DPP6: variants seen among roughly 807,000 people sequenced by gnomAD.
DPP6 encodes the protein A-type potassium channel modulatory protein DPP6.
In DPP6, 69 loss-of-function variants were observed where a neutral mutation model predicts 122.6. The observed-to-expected ratio is 0.56, with a 90% CI of 0.46 to 0.69. The LOEUF (loss-of-function observed/expected upper bound fraction) is 0.69. Ranked by LOEUF, DPP6 falls within the 30% of genes least tolerant of loss-of-function variation. DPP6 has a pLI of 0.00. For synonymous variants in DPP6, 418 were observed against 433.1 expected (o/e 0.97, Z 0.43); for missense variants, 928 against 1,116.9 (o/e 0.83, Z 2.41).
intron 14 of DPP6, 53 bp from the exon 15 acceptor site, chr7:154,804,864 T>C: frequency 1.3e-6 from 2 of 1,568,332 alleles, no homozygotes; most frequent in South Asian, 1.2e-5. Flanking sequence ...GAATGTGAAG[T>C]GCAGACGTGC....
At chr7:154,667,928 C>T (rs1196241937) in intron 6 of DPP6, among the ~76,000 whole-genome samples, 1 of 151,842 alleles carries the variant, frequency 6.6e-6, no homozygotes, top group Non-Finnish European at 1.5e-5. Context: ...TCTAAAACTA[C>T]CTGGGGCATT....
At chr7:154,774,401 A>G (rs184687052) in intron 10 of DPP6, among the ~76,000 whole-genome samples, 4 of 152,330 alleles carry the variant, frequency 2.6e-5, no homozygotes, top group Non-Finnish European at 4.4e-5. Context: ...AACTCACTGA[A>G]TTAATATGGA....
chr7:154,353,534 A>C lies in DPP6; in HGVS notation c.244-92680A>C, dbSNP rs555444775. Among the ~76,000 whole-genome samples, 7 of 152,278 alleles carry C rather than the reference A, an allele frequency of 4.6e-5. No individual in the cohort carries two copies. In the South Asian group the frequency reaches 1.5e-3, roughly 32 times the overall value. On this transcript the variant is annotated intron_variant, in intron 1 of 25. Transcript: ENST00000377770. ...TGAGTGATGGAAGGAGGCATTTTAA[A>C]TCTTTCCATGTGTGTCTCTTCTGGC...
intron 1 of DPP6, among the ~76,000 whole-genome samples, chr7:154,306,894 T>C (rs930356387): frequency 6.6e-6 from 1 of 152,202 alleles, no homozygotes; most frequent in Non-Finnish European, 1.5e-5. Flanking sequence ...ACAGAATATT[T>C]GCTCAATAAA....
At chr7:153,913,135 C>A (rs1448347605) in intron 1 of DPP6, among the ~76,000 whole-genome samples, 1 of 152,178 alleles carries the variant, frequency 6.6e-6, no homozygotes, top group Non-Finnish European at 1.5e-5. Flanking sequence ...AGTGCGGTGG[C>A]ACGATCTCAA....
intron 5 of DPP6, chr7:154,588,125 A>G (rs79724655): frequency 0.014 from 21,870 of 1,572,554 alleles, 188 homozygotes; most frequent in Non-Finnish European, 0.016. Flanking sequence ...TGTTCCTTCA[A>G]CACTGGTGGA....
At chr7:154,016,764 CCACCAACAGTG>C (rs549341996) in intron 1 of DPP6, among the ~76,000 whole-genome samples, 3,866 of 152,202 alleles carry the variant, frequency 0.025, 165 homozygotes, top group African/African-American at 0.089. Flanking sequence ...AATTTAATTC[CCACCAACAGTG>C]CACAAGTGTT....
chr7:153,800,569 T>A, the DPP6 span, among the ~76,000 whole-genome samples: 1 of 152,198 alleles, frequency 6.6e-6, no homozygotes, highest in African/African-American at 2.4e-5. Context: ...CAGGCTGGAA[T>A]GTAGCGGCAC....
chr7:153,762,977 G>A, the DPP6 span, among the ~76,000 whole-genome samples: 1 of 152,120 alleles, frequency 6.6e-6, no homozygotes, highest in South Asian at 2.1e-4. Flanking sequence ...ATTACAATGA[G>A]AATTTGAAGG....
intron 1 of DPP6, among the ~76,000 whole-genome samples, chr7:154,387,365 T>C (rs1284300935): frequency 3.3e-5 from 5 of 152,124 alleles, no homozygotes; most frequent in African/African-American, 9.7e-5. Flanking sequence ...TCAAAGGCCA[T>C]AGTTGCTGCA....
the DPP6 span, among the ~76,000 whole-genome samples, chr7:153,842,221 A>G: frequency 6.6e-6 from 1 of 152,220 alleles, no homozygotes; most frequent in Admixed American, 6.5e-5. Flanking sequence ...AAATGCTACT[A>G]AACAGGTTGG....
intron 1 of DPP6, among the ~76,000 whole-genome samples, chr7:154,170,782 T>C (rs1467868262): frequency 2.0e-5 from 3 of 152,196 alleles, no homozygotes; most frequent in African/African-American, 7.2e-5. Flanking sequence ...TTTTTTCTTC[T>C]AGACTAGCCT....
At chr7:154,082,866 T>C (rs1445283258) in intron 1 of DPP6, among the ~76,000 whole-genome samples, 1 of 147,506 alleles carries the variant, frequency 6.8e-6, no homozygotes, top group Non-Finnish European at 1.5e-5. Context: ...TTTTTTTTTT[T>C]GAGATGGAGT....
intron 7 of DPP6, among the ~76,000 whole-genome samples, chr7:154,690,950 T>G (rs781557893): frequency 3.9e-5 from 6 of 152,220 alleles, no homozygotes; most frequent in Non-Finnish European, 8.8e-5. Context: ...TTATGAGCAC[T>G]AAATGCTTAA....
chr7:153,903,285 C>T (rs763946601), intron 1 of DPP6, among the ~76,000 whole-genome samples: 6 of 152,160 alleles, frequency 3.9e-5, no homozygotes, highest in Admixed American at 6.5e-5. Context: ...TAGGGGTGAT[C>T]GGAGTGGCCA....
chr7:154,771,560 T>G (rs1796252170), intron 9 of DPP6, among the ~76,000 whole-genome samples: 1 of 152,216 alleles, frequency 6.6e-6, no homozygotes, highest in Non-Finnish European at 1.5e-5. Flanking sequence ...GGGTTAGGGC[T>G]GCACCGTATG....
chr7:154,326,732 C>T (rs898504521), intron 1 of DPP6, among the ~76,000 whole-genome samples: 2 of 152,318 alleles, frequency 1.3e-5, no homozygotes, highest in South Asian at 2.1e-4. Context: ...TTGGTTTCCC[C>T]ATAATAATTT....
In DPP6 at chr7:154,121,263, T is replaced by C. The variant is rs551481868; in HGVS notation, c.243+68200T>C. On this transcript the variant is annotated intron_variant, in intron 1 of 25. Coordinates refer to ENST00000377770, the MANE Select transcript of DPP6 (RefSeq NM_130797.4). ...CTCCACTGTTTTTCTATTCTCTACGTTATTTACTTCTGCTCTATTATTTAT... is the reference window on the plus strand; with the variant it reads ...CTCCACTGTTTTTCTATTCTCTACGCTATTTACTTCTGCTCTATTATTTAT... Among the ~76,000 whole-genome samples the C allele has an allele frequency of 4.6e-5, 7 of 152,336 alleles. No homozygotes were observed. The South Asian group carries it at 1.2e-3, about 27-fold the overall frequency.
intron 16 of DPP6, 45 bp from the exon 17 acceptor site, chr7:154,853,735 G>T (rs752278079): frequency 1.2e-6 from 2 of 1,603,786 alleles, no homozygotes; most frequent in South Asian, 1.1e-5. Flanking sequence ...CTAAACTAAT[G>T]GCTTCGTTTT....
Sources: allele counts gnomAD v4.1 joint callset (sites outside exome capture counted in the v4.1 genomes callset), GRCh38; gene constraint gnomAD v4.1.1; transcripts MANE v1.5; gene names NCBI Gene and HGNC (gene_info 2026-07-23, HGNC 2026-07-21).